LHFPL3: variants seen among roughly 807,000 people sequenced by gnomAD.
The protein encoded by LHFPL3 is LHFPL tetraspan subfamily member 3, also known as LHFPL tetraspan subfamily member 3 protein.
In LHFPL3, 5 loss-of-function variants were observed where a neutral mutation model predicts 19.3. The ratio of observed to expected loss-of-function variants is 0.26; its 90% confidence interval spans 0.14 to 0.54. The LOEUF (loss-of-function observed/expected upper bound fraction) is 0.54. LHFPL3 is among the 20% of genes least tolerant of loss of function. The probability of loss-of-function intolerance (pLI) is 0.94; values close to 1 mark genes in which losing one functional copy is unlikely to be tolerated. For missense variants in LHFPL3, 249 were observed against 307.4 expected, an observed-to-expected ratio of 0.81 and a Z score of 1.42; for synonymous variants, 133 against 126.2, an observed-to-expected ratio of 1.05 and a Z score of -0.36.
intron 1 of LHFPL3, among the ~76,000 whole-genome samples, chr7:104,461,516 G>C (rs1792662421): frequency 6.6e-6 from 1 of 152,188 alleles, no homozygotes; most frequent in Non-Finnish European, 1.5e-5. Context: ...ATGGTTATAA[G>C]TATGCAGCCT....
At chr7:104,628,639 A>G (rs960676095) in intron 1 of LHFPL3, among the ~76,000 whole-genome samples, 8 of 152,222 alleles carry the variant, frequency 5.3e-5, no homozygotes, top group Middle Eastern at 3.2e-3. Flanking sequence ...TAGATTTTGC[A>G]TGTGCAGAAT....
intron 1 of LHFPL3, among the ~76,000 whole-genome samples, chr7:104,588,605 T>C (rs531036676): frequency 2.6e-5 from 4 of 152,304 alleles, no homozygotes; most frequent in African/African-American, 9.6e-5. Flanking sequence ...TGCAGGCTCT[T>C]TTTTGGTTCC....
At chr7:104,658,858 AG>A (rs1281612367) in intron 1 of LHFPL3, among the ~76,000 whole-genome samples, 6 of 152,218 alleles carry the variant, frequency 3.9e-5, no homozygotes, top group Non-Finnish European at 7.3e-5. Flanking sequence ...TGGGTATCCC[AG>A]GAATCTGAAT....
chr7:104,790,465 C>T (rs1364689295), intron 2 of LHFPL3, among the ~76,000 whole-genome samples: 5 of 152,018 alleles, frequency 3.3e-5, no homozygotes, highest in Non-Finnish European at 5.9e-5. Flanking sequence ...AATTTGCTTG[C>T]ACTTTTTTTT....
At chr7:104,736,017 G>T (rs1220424636) in intron 1 of LHFPL3, among the ~76,000 whole-genome samples, 4 of 152,056 alleles carry the variant, frequency 2.6e-5, no homozygotes, top group East Asian at 1.9e-4. Context: ...ATCATATTGT[G>T]GTTCTATTTT....
chr7:104,737,880 C>T (rs534527870), intron 2 of LHFPL3, among the ~76,000 whole-genome samples: 16 of 152,238 alleles, frequency 1.1e-4, no homozygotes, highest in African/African-American at 3.4e-4. Context: ...TTCAAAAACC[C>T]TTCACTGCTT....
chr7:104,589,803 C>G (rs1790668396), intron 1 of LHFPL3, among the ~76,000 whole-genome samples: 1 of 152,104 alleles, frequency 6.6e-6, no homozygotes, highest in South Asian at 2.1e-4. Context: ...TGTTATTGGT[C>G]TATTCAGGGA....
At chr7:104,393,684 C>G (rs565981322) in intron 1 of LHFPL3, among the ~76,000 whole-genome samples, 1 of 152,172 alleles carries the variant, frequency 6.6e-6, no homozygotes, top group East Asian at 1.9e-4. Context: ...CCACTGCACT[C>G]CAGCCTGGGT....
intron 1 of LHFPL3, among the ~76,000 whole-genome samples, chr7:104,476,041 A>G (rs2115635953): frequency 6.6e-6 from 1 of 152,324 alleles, no homozygotes; most frequent in South Asian, 2.1e-4. Context: ...CTGAACTTAG[A>G]GAAACTGGAG....
intron 1 of LHFPL3, among the ~76,000 whole-genome samples, chr7:104,521,522 G>A (rs1262633184): frequency 6.6e-6 from 1 of 151,920 alleles, no homozygotes; most frequent in Non-Finnish European, 1.5e-5. Context: ...GGCAACAAAA[G>A]ACAAAATTGA....
At chr7:104,689,492 C>A (rs901982365) in intron 1 of LHFPL3, among the ~76,000 whole-genome samples, 1 of 152,156 alleles carries the variant, frequency 6.6e-6, no homozygotes, top group African/African-American at 2.4e-5. Flanking sequence ...AGAACCACAG[C>A]CCCTCAGTCA....
intron 1 of LHFPL3, among the ~76,000 whole-genome samples, chr7:104,670,400 T>A (rs1792455155): frequency 6.6e-6 from 1 of 152,192 alleles, no homozygotes; most frequent in Non-Finnish European, 1.5e-5. Context: ...GTTTTACCCT[T>A]TCTAAACACT....
intron 2 of LHFPL3, among the ~76,000 whole-genome samples, chr7:104,897,288 G>A (rs536450120): frequency 3.9e-5 from 6 of 152,260 alleles, no homozygotes; most frequent in Non-Finnish European, 7.4e-5. Context: ...TCACAGGGCC[G>A]TGGGTGTGTG....
At chr7:104,539,386 GGTA>G (rs1794444230) in intron 1 of LHFPL3, among the ~76,000 whole-genome samples, 1 of 152,122 alleles carries the variant, frequency 6.6e-6, no homozygotes, top group East Asian at 1.9e-4. Flanking sequence ...AACTCCAAAA[GGTA>G]GAATATAGTA....
At chr7:104,743,240 AT>A (rs1348210793) in intron 2 of LHFPL3, among the ~76,000 whole-genome samples, 2 of 152,172 alleles carry the variant, frequency 1.3e-5, no homozygotes, top group Admixed American at 1.3e-4. Flanking sequence ...CCATACACTC[AT>A]ACCACCAAGA....
intron 1 of LHFPL3, among the ~76,000 whole-genome samples, chr7:104,623,450 C>G (rs1019420588): frequency 6.6e-6 from 1 of 152,024 alleles, no homozygotes. Context: ...GCCAACATGG[C>G]GAAACCCTGT....
chr7:104,825,436 T>G (rs1481673770), intron 2 of LHFPL3, among the ~76,000 whole-genome samples: 1 of 151,902 alleles, frequency 6.6e-6, no homozygotes, highest in Non-Finnish European at 1.5e-5. Context: ...CTTCTAGGTC[T>G]GTGATTTGGG....
At chr7:104,436,896 C>T (rs1010961364) in intron 1 of LHFPL3, among the ~76,000 whole-genome samples, 21 of 152,098 alleles carry the variant, frequency 1.4e-4, no homozygotes, top group Admixed American at 3.3e-4. Context: ...TTTTAAACAG[C>T]TTTTAAAAAG....
intron 2 of LHFPL3, among the ~76,000 whole-genome samples, chr7:104,845,205 G>A (rs1791290161): frequency 6.6e-6 from 1 of 152,226 alleles, no homozygotes. Flanking sequence ...GAACCAGGCA[G>A]TCTGGCTCTC....
Sources: allele counts gnomAD v4.1 joint callset (sites outside exome capture counted in the v4.1 genomes callset), GRCh38; gene constraint gnomAD v4.1.1; transcripts MANE v1.5; gene names NCBI Gene and HGNC (gene_info 2026-07-23, HGNC 2026-07-21).